SLC4A10: variants seen among roughly 807,000 people sequenced by gnomAD.
The protein encoded by SLC4A10 is sodium-driven chloride bicarbonate exchanger.
In SLC4A10, 42 loss-of-function variants were observed where a neutral mutation model predicts 137.7. That is an observed-to-expected ratio of 0.30 (90% CI 0.24 to 0.39). The LOEUF (loss-of-function observed/expected upper bound fraction) is 0.39, where lower values mean the gene tolerates loss of function less well. Among genes scored for constraint, SLC4A10 ranks in the 10% least tolerant of loss-of-function variants. SLC4A10 has a pLI of 1.00. For missense variants in SLC4A10, 925 were observed against 1,355.0 expected, an observed-to-expected ratio of 0.68 and a Z score of 4.98; for synonymous variants, 474 against 464.1, an observed-to-expected ratio of 1.02 and a Z score of -0.27.
chr2:161,713,346 T>C (rs934594082), intron 1 of SLC4A10, among the ~76,000 whole-genome samples: 3 of 151,808 alleles, frequency 2.0e-5, no homozygotes, highest in Admixed American at 6.6e-5. Flanking sequence ...TCTAACCCTC[T>C]TGAGACTTTG....
intron 8 of SLC4A10, among the ~76,000 whole-genome samples, chr2:161,878,512 G>A (rs1358082027): frequency 6.6e-6 from 1 of 151,918 alleles, no homozygotes; most frequent in Non-Finnish European, 1.5e-5. Context: ...TTCAACTATA[G>A]CTCTTCAGTA....
chr2:161,639,139 A>G (rs2034913548), intron 1 of SLC4A10, among the ~76,000 whole-genome samples: 1 of 152,110 alleles, frequency 6.6e-6, no homozygotes, highest in South Asian at 2.1e-4. Flanking sequence ...CAGTAATAAA[A>G]AGTCTCCCAT....
intron 6 of SLC4A10, among the ~76,000 whole-genome samples, chr2:161,869,760 C>T (rs1575374829): frequency 1.3e-5 from 2 of 151,510 alleles, no homozygotes; most frequent in Admixed American, 1.3e-4. Context: ...ACTTAAACTT[C>T]GCAGGACTTT....
chr2:161,948,812 C>G (rs997667542), intron 17 of SLC4A10, among the ~76,000 whole-genome samples: 1 of 152,002 alleles, frequency 6.6e-6, no homozygotes, highest in Non-Finnish European at 1.5e-5. Flanking sequence ...CAAATTCTGC[C>G]CATGCTACCT....
chr2:161,687,542 C>G (rs765592692), intron 1 of SLC4A10, among the ~76,000 whole-genome samples: 1 of 152,052 alleles, frequency 6.6e-6, no homozygotes, highest in African/African-American at 2.4e-5. Flanking sequence ...TTTAATATAG[C>G]CTTTCCTGAT....
intron 1 of SLC4A10, among the ~76,000 whole-genome samples, chr2:161,758,611 C>T (rs1027876294): frequency 6.6e-6 from 1 of 151,926 alleles, no homozygotes. Flanking sequence ...TAGGTCAACT[C>T]AGAACTGTCC....
intron 11 of SLC4A10, among the ~76,000 whole-genome samples, chr2:161,897,239 C>T (rs537767218): frequency 1.4e-4 from 22 of 152,110 alleles, no homozygotes; most frequent in Non-Finnish European, 2.2e-4. Flanking sequence ...TTTTAAATTG[C>T]AGGCATGAGT....
At chr2:161,700,766 A>C (rs893819992) in intron 1 of SLC4A10, among the ~76,000 whole-genome samples, 1 of 152,110 alleles carries the variant, frequency 6.6e-6, no homozygotes, top group Non-Finnish European at 1.5e-5. Context: ...AAAAGGCATC[A>C]GAATATAAAA....
chr2:161,771,082 T>G, intron 2 of SLC4A10, 28 bp downstream of exon 2: 1 of 1,457,802 alleles, frequency 6.9e-7, no homozygotes, highest in Non-Finnish European at 9.5e-7. Context: ...GGGATAGCTA[T>G]TGGTGTGCTT....
chr2:161,890,332 C>G (rs1030698869), intron 10 of SLC4A10, among the ~76,000 whole-genome samples: 1 of 152,072 alleles, frequency 6.6e-6, no homozygotes, highest in Non-Finnish European at 1.5e-5. Flanking sequence ...AGTTCAAGTC[C>G]TGAATATCCT....
At chr2:161,640,268 A>G (rs1191979609) in intron 1 of SLC4A10, among the ~76,000 whole-genome samples, 1 of 152,092 alleles carries the variant, frequency 6.6e-6, no homozygotes, top group Non-Finnish European at 1.5e-5. Flanking sequence ...TGTTCTTTTA[A>G]CATGCTTCCA....
At chr2:161,861,412 T>C (rs1467167314) in intron 5 of SLC4A10, among the ~76,000 whole-genome samples, 2 of 152,174 alleles carry the variant, frequency 1.3e-5, no homozygotes, top group African/African-American at 4.8e-5. Context: ...AAAATCAGCC[T>C]GAGGTTAAAG....
intron 4 of SLC4A10, among the ~76,000 whole-genome samples, chr2:161,844,635 T>TTA (rs1228320606): frequency 1.1e-4 from 17 of 152,114 alleles, no homozygotes; most frequent in African/African-American, 4.1e-4. Flanking sequence ...AAAGTTAAAC[T>TTA]GAGTTAGTGA....
intron 1 of SLC4A10, among the ~76,000 whole-genome samples, chr2:161,746,964 C>T (rs766508227): frequency 2.6e-5 from 4 of 152,200 alleles, no homozygotes; most frequent in South Asian, 2.1e-4. Flanking sequence ...AGTTGCAAGC[C>T]GAGGTCCTCT....
Position 161,983,274 on chromosome 2 carries a change from A to G in SLC4A10, c.*122A>G. ...GATCTTCAATTTATTTTTTACATAT[A>G]TATGAGAAGAGTGTCACAATTATTA... On this transcript the variant is annotated 3_prime_UTR_variant, in exon 27 of 27. Coordinates refer to ENST00000446997, the MANE Select transcript of SLC4A10 (RefSeq NM_001178015.2). The G allele has an allele frequency of 6.6e-7, 1 of 1,519,866 alleles. No individual in the cohort carries two copies. 94.1% of individuals were successfully genotyped at this position (1,519,866 alleles called of 1,614,324 possible). A position where few individuals can be genotyped will look rare whatever the true frequency, so the allele number is the denominator to read the frequency against.
chr2:161,878,183 G>T (rs1161109283), intron 8 of SLC4A10, among the ~76,000 whole-genome samples: 1 of 151,978 alleles, frequency 6.6e-6, no homozygotes, highest in Non-Finnish European at 1.5e-5. Context: ...TTCTCACTTT[G>T]ATCTTTGGCC....
intron 1 of SLC4A10, among the ~76,000 whole-genome samples, chr2:161,629,165 A>G (rs2033052091): frequency 6.6e-6 from 1 of 151,928 alleles, no homozygotes; most frequent in Non-Finnish European, 1.5e-5. Flanking sequence ...GACACATGAC[A>G]ATGATCATTT....
At chr2:161,675,587 C>G (rs1037842200) in intron 1 of SLC4A10, among the ~76,000 whole-genome samples, 1 of 151,964 alleles carries the variant, frequency 6.6e-6, no homozygotes, top group Non-Finnish European at 1.5e-5. Flanking sequence ...AGCTCTTGAC[C>G]TCTTTGGGTT....
chr2:161,974,214 G>A (rs1324249771), intron 23 of SLC4A10, 35 bp from the exon 24 acceptor site: 2 of 1,533,456 alleles, frequency 1.3e-6, no homozygotes, highest in Admixed American at 4.1e-5. Context: ...AGACTCATCA[G>A]GTTCACTTTA....
Sources: gnomAD v4.1 joint callset for allele counts (sites outside exome capture counted in the v4.1 genomes callset) on GRCh38, gnomAD v4.1.1 for gene constraint, MANE v1.5 for transcripts, NCBI Gene and HGNC (gene_info 2026-07-23, HGNC 2026-07-21) for gene names.